The following GSK3B variants were observed in gnomAD, a reference collection of about 807,000 sequenced individuals.
GSK3B encodes glycogen synthase kinase-3 beta.
Under a neutral mutation model 56.4 loss-of-function variants are expected in GSK3B, and 15 were observed. That is an observed-to-expected ratio of 0.27 (90% CI 0.18 to 0.41). The LOEUF (loss-of-function observed/expected upper bound fraction) is 0.41, where lower values mean the gene tolerates loss of function less well. Ranked by LOEUF, GSK3B falls within the 10% of genes least tolerant of loss-of-function variation. The pLI is 1.00. For synonymous variants in GSK3B, 181 were observed against 188.9 expected (o/e 0.96, Z 0.34); for missense variants, 300 against 513.4 (o/e 0.58, Z 4.02).
At position 119,940,964 on chromosome 3, in the gene GSK3B, A is replaced by C. The variant is rs565364985; in HGVS notation, c.366+6304T>G. Reference sequence around the variant, plus strand: ...TGGCATATAGTATCTCATACCTTTTAGCTATTATTATCAATACCACTACTT... The same window carrying C: ...TGGCATATAGTATCTCATACCTTTTCGCTATTATTATCAATACCACTACTT... On this transcript the variant is annotated intron_variant, in intron 3 of 10. Transcript: ENST00000264235. 2.0e-4 allele frequency among the ~76,000 whole-genome samples: 31 copies of C among 151,956 alleles called. No individual in the cohort carries two copies. In the East Asian group the frequency reaches 5.4e-3, roughly 26 times the overall value.
At chr3:120,041,679 A>G (rs2058065798) in intron 1 of GSK3B, 2 of 151,754 alleles carry the variant, frequency 1.3e-5, no homozygotes, top group Admixed American at 1.3e-4. Context: ...AAGAAAGCAC[A>G]CATGTTTAGA....
At chr3:120,040,554 G>C (rs1029722819) in intron 1 of GSK3B, among the ~76,000 whole-genome samples, 1 of 152,060 alleles carries the variant, frequency 6.6e-6, no homozygotes, top group East Asian at 1.9e-4. Context: ...AGCCCCCAGA[G>C]AAGAATAGGC....
At chr3:119,955,778 T>C (rs1043395964) in intron 2 of GSK3B, among the ~76,000 whole-genome samples, 6 of 152,052 alleles carry the variant, frequency 3.9e-5, no homozygotes, top group Non-Finnish European at 7.4e-5. Flanking sequence ...CTCACCCTCC[T>C]GAATAGCTGA....
intron 6 of GSK3B, among the ~76,000 whole-genome samples, chr3:119,910,061 TAATGA>T (rs2056720584): frequency 1.3e-5 from 2 of 152,184 alleles, no homozygotes; most frequent in Admixed American, 6.5e-5. Context: ...ATTATTAACT[TAATGA>T]AATAACATTA....
intron 9 of GSK3B, among the ~76,000 whole-genome samples, chr3:119,846,290 T>C (rs1300912053): frequency 6.6e-6 from 1 of 152,132 alleles, no homozygotes; most frequent in Non-Finnish European, 1.5e-5. Context: ...AAAGCCAAAA[T>C]TGACAAATGG....
In GSK3B at chr3:119,958,314, T is replaced by G. The variant is rs2057235935; in HGVS notation, c.283-10963A>C. 2.8e-5 allele frequency among the ~76,000 whole-genome samples: 4 copies of G among 141,258 alleles called. No individual in the cohort carries two copies. The Admixed American group carries it at 3.2e-4, about 11-fold the overall frequency. 92.7% of individuals were successfully genotyped at this position (141,258 alleles called of 152,430 possible). On this transcript the variant is annotated intron_variant, in intron 2 of 10. Coordinates refer to ENST00000264235, the MANE Select transcript of GSK3B (RefSeq NM_001146156.2). ...GTCTCAAGGAGTATCCTTACAGCAG[T>G]GTGAGAATGGACTAACACAGATGCC...
intron 9 of GSK3B, 63 bp from the exon 10 acceptor site, chr3:119,843,416 A>C: frequency 1.1e-6 from 1 of 876,676 alleles, no homozygotes; most frequent in Non-Finnish European, 1.8e-6. Flanking sequence ...AAACTATTTT[A>C]TTGGTAAGAG....
intron 3 of GSK3B, among the ~76,000 whole-genome samples, chr3:119,939,356 A>C (rs2057025396): frequency 1.3e-5 from 2 of 152,186 alleles, no homozygotes; most frequent in Admixed American, 1.3e-4. Flanking sequence ...TCATGCTAAG[A>C]AATCTGGAAT....
At chr3:120,045,317 T>C (rs1163338789) in intron 1 of GSK3B, among the ~76,000 whole-genome samples, 1 of 152,214 alleles carries the variant, frequency 6.6e-6, no homozygotes, top group Non-Finnish European at 1.5e-5. Flanking sequence ...TCAACTTTCT[T>C]GTCCTCCATG....
intron 9 of GSK3B, among the ~76,000 whole-genome samples, chr3:119,860,184 A>G (rs897572795): frequency 6.6e-6 from 1 of 152,216 alleles, no homozygotes; most frequent in African/African-American, 2.4e-5. Flanking sequence ...AATATATTCC[A>G]GTCTTGGAAT....
intron 1 of GSK3B, among the ~76,000 whole-genome samples, chr3:120,069,330 C>A (rs1048538469): frequency 1.3e-5 from 2 of 152,054 alleles, no homozygotes; most frequent in Admixed American, 6.5e-5. Flanking sequence ...GTTTCTCTCC[C>A]CAACTTCCTC....
intron 1 of GSK3B, among the ~76,000 whole-genome samples, chr3:120,081,533 G>A (rs541725648): frequency 2.6e-5 from 4 of 152,116 alleles, no homozygotes; most frequent in Admixed American, 1.3e-4. Context: ...GCAACAGAGC[G>A]AGACTCCATC....
intron 2 of GSK3B, among the ~76,000 whole-genome samples, chr3:119,975,429 A>G (rs1169796156): frequency 2.0e-5 from 3 of 152,196 alleles, no homozygotes; most frequent in African/African-American, 7.2e-5. Flanking sequence ...CCTTGGCACA[A>G]GAGCAAAGCT....
chr3:119,997,531 T>C (rs558550101), intron 2 of GSK3B, among the ~76,000 whole-genome samples: 1 of 152,368 alleles, frequency 6.6e-6, no homozygotes, highest in South Asian at 2.1e-4. Context: ...GAAGGCTGAA[T>C]ATTGTAAATC....
chr3:119,995,281 C>T (rs1321909559), intron 2 of GSK3B, among the ~76,000 whole-genome samples: 4 of 151,660 alleles, frequency 2.6e-5, no homozygotes, highest in Non-Finnish European at 5.9e-5. Context: ...CTGCAGTAGC[C>T]GTGACTTTAC....
intron 7 of GSK3B, among the ~76,000 whole-genome samples, chr3:119,878,887 A>C (rs769172075): frequency 6.6e-6 from 1 of 152,330 alleles, no homozygotes; most frequent in Non-Finnish European, 1.5e-5. Context: ...TTTTCTATCT[A>C]TAGTGACAGA....
At chr3:120,028,691 G>A (rs1056095579) in intron 1 of GSK3B, 8 of 426,304 alleles carry the variant, frequency 1.9e-5, no homozygotes, top group Non-Finnish European at 2.8e-5. Context: ...TCCTCCACAC[G>A]TCTCAAAACC....
chr3:119,927,990 G>A (rs1040645261), intron 3 of GSK3B, among the ~76,000 whole-genome samples: 29 of 152,144 alleles, frequency 1.9e-4, no homozygotes, highest in Non-Finnish European at 2.8e-4. Context: ...GAGGTTATTC[G>A]ATCTATACCC....
rs907341758 is a variant in GSK3B at position 120,015,667 on chromosome 3, A to C, written c.89-13428T>G. 6.1e-5 allele frequency among the ~76,000 whole-genome samples: 9 copies of C among 147,738 alleles called. No homozygotes were observed. In the South Asian group the frequency reaches 1.3e-3, roughly 21 times the overall value. On this transcript the variant is annotated intron_variant, in intron 1 of 10. Transcript: ENST00000264235. ...TCTGTCTCAAAAAAAAAAAAAAAAAAAAAAAAAAAAAACTAGACATTATTG... is the reference window on the plus strand; with the variant it reads ...TCTGTCTCAAAAAAAAAAAAAAAAACAAAAAAAAAAAACTAGACATTATTG...
Sources: allele counts gnomAD v4.1 joint callset (sites outside exome capture counted in the v4.1 genomes callset), GRCh38; gene constraint gnomAD v4.1.1; transcripts MANE v1.5; gene names NCBI Gene and HGNC (gene_info 2026-07-23, HGNC 2026-07-21).